The following RNASEH2A variants were observed in gnomAD, a reference collection of about 807,000 sequenced individuals.
The protein encoded by RNASEH2A is ribonuclease H2 subunit A, also known as RNase H(35).
A neutral mutation model predicts 32.7 loss-of-function variants in RNASEH2A; 30 were observed. The ratio of observed to expected loss-of-function variants is 0.92; its 90% confidence interval spans 0.69 to 1.25. RNASEH2A has a LOEUF of 1.25. Among genes scored for constraint, RNASEH2A ranks in the 50% most tolerant of loss-of-function variants. RNASEH2A has a pLI of 0.00. For synonymous variants in RNASEH2A, 147 were observed against 165.4 expected, an observed-to-expected ratio of 0.89 and a Z score of 0.86; for missense variants, 409 against 398.1, an observed-to-expected ratio of 1.03 and a Z score of -0.23.
chr19:12,808,029 TC>T (rs1163239274), intron 4 of RNASEH2A: 3 of 193,940 alleles, frequency 1.5e-5, no homozygotes, highest in Non-Finnish European at 3.3e-5. Flanking sequence ...GGCAGGCAGA[TC>T]ACCTGAGGTC....
intron 6 of RNASEH2A, among the ~76,000 whole-genome samples, chr19:12,810,955 C>G (rs1377735651): frequency 2.0e-5 from 3 of 152,098 alleles, no homozygotes; most frequent in Non-Finnish European, 2.9e-5. Flanking sequence ...GAGCCACCAC[C>G]CCTGGCCCTT....
At chr19:12,813,286 C>T (rs780336829) in intron 7 of RNASEH2A, 42 bp from the exon 8 acceptor site, 5 of 1,613,960 alleles carry the variant, frequency 3.1e-6, no homozygotes, top group Non-Finnish European at 4.2e-6. Context: ...GAGAGGGTTG[C>T]TCCCTGTGTA....
intron 6 of RNASEH2A, among the ~76,000 whole-genome samples, chr19:12,811,563 A>T (rs1969072153): frequency 6.6e-6 from 1 of 151,030 alleles, no homozygotes; most frequent in African/African-American, 2.4e-5. Context: ...GGCTGCAGTG[A>T]GCTATGATTA....
chr19:12,812,742 C>G (rs907837134), intron 6 of RNASEH2A, among the ~76,000 whole-genome samples: 1 of 150,646 alleles, frequency 6.6e-6, no homozygotes, highest in African/African-American at 2.4e-5. Context: ...CGTGGTGGCT[C>G]ATGCCTGTAA....
At chr19:12,812,999 A>G (rs1969095605) in intron 6 of RNASEH2A, 84 bp from the exon 7 acceptor site, 1 of 1,592,160 alleles carries the variant, frequency 6.3e-7, no homozygotes, top group Non-Finnish European at 8.6e-7. Context: ...GTGGGACTCC[A>G]TCTCAAAGAA....
At chr19:12,809,470 C>A (rs550958603) in intron 4 of RNASEH2A, among the ~76,000 whole-genome samples, 1 of 152,184 alleles carries the variant, frequency 6.6e-6, no homozygotes, top group Non-Finnish European at 1.5e-5. Context: ...CACTTCCTCA[C>A]CTCCTTCAAG....
intron 6 of RNASEH2A, among the ~76,000 whole-genome samples, chr19:12,812,383 T>C (rs1005090398): frequency 2.0e-5 from 3 of 148,900 alleles, no homozygotes; most frequent in Admixed American, 1.3e-4. Context: ...AATACAAAAA[T>C]TAGCCAGGTA....
chr19:12,806,835 G>T, intron 1 of RNASEH2A, 35 bp downstream of exon 1: 1 of 1,591,074 alleles, frequency 6.3e-7, no homozygotes, highest in Non-Finnish European at 8.6e-7. Context: ...GAGGGGCGTG[G>T]TACGGAGGAT....
chr19:12,811,846 G>A (rs1969077084), intron 6 of RNASEH2A, among the ~76,000 whole-genome samples: 1 of 151,902 alleles, frequency 6.6e-6, no homozygotes, highest in African/African-American at 2.4e-5. Flanking sequence ...AAACCTGGGA[G>A]GTGGAGGTTG....
In RNASEH2A at chr19:12,810,192, C is replaced by T; in HGVS notation, c.533C>T (p.Ala178Val). ...ADALYPVVSAASICAKVARDQ... is the reference protein window; with the variant it reads ...ADALYPVVSAVSICAKVARDQ... ...GCCCTCTACCCGGTGGTTAGTGCTGCCAGCATCTGTGCCAAGGTCAGTACC... is the reference window on the plus strand; with the variant it reads ...GCCCTCTACCCGGTGGTTAGTGCTGTCAGCATCTGTGCCAAGGTCAGTACC... Residue 178 changes from alanine to valine, a missense_variant, in exon 5 of 8, where the codon GCC becomes GTC. By Grantham distance (64) the Ala-to-Val change is moderately conservative. Coordinates refer to ENST00000221486, the MANE Select transcript of RNASEH2A (RefSeq NM_006397.3). The T allele has an allele frequency of 6.2e-7, 1 of 1,614,206 alleles. No homozygotes were observed. Among genetic ancestry groups the T allele is most frequent in the Non-Finnish European group, 8.5e-7 (1 of 1,180,034 alleles).
intron 2 of RNASEH2A, 21 bp downstream of exon 2, chr19:12,807,100 TG>T (rs1969004515): frequency 6.2e-7 from 1 of 1,613,982 alleles, no homozygotes; most frequent in Non-Finnish European, 8.5e-7. Flanking sequence ...GGTGTGCGTC[TG>T]GGGAAGGGAT....
At chr19:12,806,822 G>A (rs755078671) in intron 1 of RNASEH2A, 22 bp downstream of exon 1, 110 of 1,588,436 alleles carry the variant, frequency 6.9e-5, no homozygotes, top group Non-Finnish European at 8.9e-5. Flanking sequence ...GGGCCAGGGA[G>A]GGGAGGGGCG....
intron 4 of RNASEH2A, among the ~76,000 whole-genome samples, chr19:12,809,081 T>G (rs1433210478): frequency 2.7e-5 from 4 of 150,172 alleles, no homozygotes; most frequent in Non-Finnish European, 5.9e-5. Flanking sequence ...GGCAGAAAGA[T>G]GGTCAGCTGG....
At chr19:12,808,861 G>A (rs953992508) in intron 4 of RNASEH2A, among the ~76,000 whole-genome samples, 1 of 152,112 alleles carries the variant, frequency 6.6e-6, no homozygotes, top group Non-Finnish European at 1.5e-5. Context: ...GCTGAGGTGA[G>A]CAAATTGGTT....
Position 12,809,984 on chromosome 19 carries a change from GGTAGCAGGAAGAAC to G in RNASEH2A, c.412-84_412-71del, listed in dbSNP as rs1200373768. ...GGACGTGCTGGAGAAGAGGATTCTG[GGTAGCAGGAAGAAC>G]GTGCCAGGGCTGTGAGGCTAGAGCA... On this transcript the variant is annotated intron_variant, in intron 4 of 7. Transcript: ENST00000221486. 10 of 1,543,070 alleles carry G rather than the reference GGTAGCAGGAAGAAC, an allele frequency of 6.5e-6. No homozygotes were observed. In the South Asian group the frequency reaches 7.9e-5, roughly 12 times the overall value.
chr19:12,807,958 T>C (rs1183112438), intron 4 of RNASEH2A: 2 of 228,334 alleles, frequency 8.8e-6, no homozygotes, highest in African/African-American at 4.6e-5. Context: ...AAAAATAAAC[T>C]AAAAATGGGA....
At chr19:12,813,048 A>C in intron 6 of RNASEH2A, 35 bp from the exon 7 acceptor site, 2 of 1,612,920 alleles carry the variant, frequency 1.2e-6, no homozygotes, top group African/African-American at 1.3e-5. Flanking sequence ...GTTATGGTGC[A>C]ACTTGGACTG....
chr19:12,813,582 C>G lies in RNASEH2A; in HGVS notation c.*116C>G, dbSNP rs1433021221. The G allele has an allele frequency of 2.4e-6, 3 of 1,256,740 alleles. No individual in the cohort carries two copies. The highest frequency in any genetic ancestry group is 1.7e-5 in the Admixed American group (1 of 58,176). 77.8% of individuals were successfully genotyped at this position (1,256,740 alleles called of 1,614,324 possible). A position where few individuals can be genotyped will look rare whatever the true frequency, so the allele number is the denominator to read the frequency against. On this transcript the variant is annotated 3_prime_UTR_variant, in exon 8 of 8. Coordinates refer to ENST00000221486, the MANE Select transcript of RNASEH2A (RefSeq NM_006397.3). ...AGAAGCAAGGTGGGAGTGTGCTCTGCAGCCGGGTCCAGCTACTTCCTTTTG... is the reference window on the plus strand; with the variant it reads ...AGAAGCAAGGTGGGAGTGTGCTCTGGAGCCGGGTCCAGCTACTTCCTTTTG...
In RNASEH2A at chr19:12,810,054, G is replaced by A. The variant is rs778916656; in HGVS notation, c.412-17G>A. On this transcript the variant is annotated splice_polypyrimidine_tract_variant and intron_variant, in intron 4 of 7. Coordinates refer to ENST00000221486, the MANE Select transcript of RNASEH2A (RefSeq NM_006397.3). ...ACAGTTGTTTGTTCAATTAATATGTGTCTGTTGCTGTGGCAGGTATTCGTG... is the reference window on the plus strand; with the variant it reads ...ACAGTTGTTTGTTCAATTAATATGTATCTGTTGCTGTGGCAGGTATTCGTG... The A allele has an allele frequency of 6.2e-6, 10 of 1,613,984 alleles. No individual in the cohort carries two copies. In the Admixed American group the frequency reaches 6.7e-5, roughly 11 times the overall value.
Sources: gnomAD v4.1 joint callset for allele counts (sites outside exome capture counted in the v4.1 genomes callset) on GRCh38, gnomAD v4.1.1 for gene constraint, MANE v1.5 for transcripts, NCBI Gene and HGNC (gene_info 2026-07-23, HGNC 2026-07-21) for gene names.